Variants in NT5DC2 observed in about 807,000 individuals in gnomAD.
NT5DC2 encodes the protein 5'-nucleotidase domain containing 2, also known as 5'-nucleotidase domain-containing protein 2.
In NT5DC2, 41 loss-of-function variants were observed where a neutral mutation model predicts 70.0. The observed-to-expected ratio is 0.59, with a 90% confidence interval of 0.46 to 0.76. NT5DC2 has a LOEUF of 0.76. NT5DC2 is among the 30% of genes least tolerant of loss of function. The pLI is 0.00. For synonymous variants in NT5DC2, 299 were observed against 310.4 expected (o/e 0.96, Z 0.39); for missense variants, 705 against 783.2 (o/e 0.90, Z 1.19).
chr3:52,534,566 C>T (rs1459886566), upstream of NT5DC2: 3 of 1,613,662 alleles, frequency 1.9e-6, no homozygotes, highest in Admixed American at 1.7e-5. Context: ...GCACGCCCCT[C>T]GTGAGATGCT....
In NT5DC2 at chr3:52,533,514, A is replaced by C; in HGVS notation, c.224T>G (p.Leu75Arg). The change falls in exon 1 of 14, where the codon CTG becomes CGG. Residue 75 changes from leucine to arginine, a missense_variant. By Grantham distance (102) the Leu-to-Arg change is moderately radical. Coordinates refer to ENST00000422318, the MANE Select transcript of NT5DC2 (RefSeq NM_001134231.2). ...CGCCCCGGCTCACCCACCGTGCACC[A>C]GTCTCCGCATGTCCTGGTAGCGAGC... is the stretch of plus-strand genomic sequence containing the variant. Reference protein sequence around the residue: ...LWARYQDMRRLVHDLLPPEVC... With the variant: ...LWARYQDMRRRVHDLLPPEVC... 1 of 1,488,250 alleles carries C rather than the reference A, an allele frequency of 6.7e-7. No individual in the cohort carries two copies. The highest frequency in any genetic ancestry group is 1.5e-5 in the African/African-American group (1 of 68,278). 92.2% of individuals were successfully genotyped at this position (1,488,250 alleles called of 1,614,324 possible).
At chr3:52,533,463 C>A in intron 1 of NT5DC2, 43 bp downstream of exon 1, 3 of 1,480,766 alleles carry the variant, frequency 2.0e-6, no homozygotes, top group South Asian at 2.5e-5. Context: ...CATCAGTCCA[C>A]GCGGAAGACA....
chr3:52,531,798 C>T lies in NT5DC2; in HGVS notation c.232+1708G>A, dbSNP rs2079362526. Reference sequence around the variant, plus strand: ...GCCAGGTCCCAGGGCCAACTGCTCCCTAGCAGCCGTGACACTTGTGGATGC... The same window carrying T: ...GCCAGGTCCCAGGGCCAACTGCTCCTTAGCAGCCGTGACACTTGTGGATGC... On this transcript the variant is annotated intron_variant, in intron 1 of 13. Transcript: ENST00000422318. The surrounding 1 kb of genome is among the most constrained non-coding windows in gnomAD (Gnocchi z 4.1). 6.6e-6 allele frequency among the ~76,000 whole-genome samples: 1 copy of T among 152,190 alleles called. No homozygotes were observed. Among genetic ancestry groups the T allele is most frequent in the Admixed American group, 6.5e-5 (1 of 15,288 alleles).
upstream of NT5DC2, chr3:52,534,010 C>T (rs555216056): frequency 1.4e-4 from 35 of 257,310 alleles, no homozygotes; most frequent in African/African-American, 7.2e-4. Flanking sequence ...GGACTCTGCG[C>T]CCCCCTTCGG....
chr3:52,534,511 C>T (rs754921210), upstream of NT5DC2: 4 of 1,612,946 alleles, frequency 2.5e-6, no homozygotes, highest in Admixed American at 6.7e-5. Flanking sequence ...TGGTTCGGAC[C>T]TCGGCAACTG....
In NT5DC2 at chr3:52,533,670, C is replaced by G. The variant is rs995639375; in HGVS notation, c.68G>C (p.Arg23Pro). 2 of 1,130,848 alleles carry G rather than the reference C, an allele frequency of 1.8e-6. No individual in the cohort carries two copies. Among genetic ancestry groups the G allele is most frequent in the Non-Finnish European group, 1.1e-6 (1 of 924,166 alleles). The allele number at this position is 1,130,848 out of a possible 1,614,324, so 70.1% of individuals were successfully genotyped here. A position where few individuals can be genotyped will look rare whatever the true frequency, so the allele number is the denominator to read the frequency against. Residue 23 changes from arginine (R) to proline (P), a missense_variant, in exon 1 of 14, where the codon CGA becomes CCA. Coordinates refer to ENST00000422318, the MANE Select transcript of NT5DC2 (RefSeq NM_001134231.2). ...WLLCGGHGGP[R>P]AASSSPSCPG... ...GCAGGAGGGCGAGGACGAGGCGGCT[C>G]GCGGCCCGCCGTGGCCTCCGCACAG...
upstream of NT5DC2, chr3:52,534,619 C>A: frequency 6.2e-7 from 1 of 1,613,932 alleles, no homozygotes; most frequent in Non-Finnish European, 8.5e-7. Flanking sequence ...CAACAAAATT[C>A]CTCTTTCCTG....
chr3:52,533,252 C>T (rs2079384331), intron 1 of NT5DC2, among the ~76,000 whole-genome samples: 1 of 152,190 alleles, frequency 6.6e-6, no homozygotes. Context: ...CCGGCAGCCG[C>T]TCGAGGAGCC....
chr3:52,526,147 G>A (rs2079265274), intron 10 of NT5DC2: 2 of 152,336 alleles, frequency 1.3e-5, no homozygotes, highest in Admixed American at 6.5e-5. Flanking sequence ...AGAAAGTCAT[G>A]TGTTTCTCAC....
rs1196133717 is a variant in NT5DC2 at position 52,533,751 on chromosome 3, C to T, written c.-14G>A. On this transcript the variant is annotated 5_prime_UTR_variant, in exon 1 of 14. Transcript: ENST00000422318. ...CGCACCCGCCATGCCCACCGCGCGC[C>T]GCCCGCCGCCCGCGCTGCCCTCGGC... 3 of 964,026 alleles carry T rather than the reference C, an allele frequency of 3.1e-6. No individual in the cohort carries two copies. The highest frequency in any genetic ancestry group is 2.5e-6 in the Non-Finnish European group (2 of 816,224). The allele number at this position is 964,026 out of a possible 1,614,324, so 59.7% of individuals were successfully genotyped here.
rs1405614134 is a variant in NT5DC2 at position 52,531,087 on chromosome 3, C to T, written c.233-1753G>A. Among the ~76,000 whole-genome samples, 6 of 152,250 alleles carry T rather than the reference C, an allele frequency of 3.9e-5. No homozygotes were observed. Among genetic ancestry groups the T allele is most frequent in the East Asian group, 1.9e-4 (1 of 5,196 alleles). Reference sequence around the variant, plus strand: ...TGCTGCACTCAAGAGGCAGACATCTCGCTGATGTGCTCCGTGCCCAGAGCA... The same window carrying T: ...TGCTGCACTCAAGAGGCAGACATCTTGCTGATGTGCTCCGTGCCCAGAGCA... On this transcript the variant is annotated intron_variant, in intron 1 of 13. Transcript: ENST00000422318. The surrounding 1 kb of genome is among the most constrained non-coding windows in gnomAD (Gnocchi z 4.1).
Position 52,524,569 on chromosome 3 carries a change from G to T in NT5DC2, c.1575C>A (p.Arg525=), listed in dbSNP as rs370635334. 135 of 1,613,042 alleles carry T rather than the reference G, an allele frequency of 8.4e-5. 2 individuals are homozygous for T. The Middle Eastern group carries it at 4.8e-3, about 57-fold the overall frequency. The part of the protein sequence containing the change: ...NYRVDFTFYP[R]RTPLQHEAPL... The stretch of plus-strand genomic sequence containing the variant: ...GTGCCTCGTGCTGCAGCGGCGTACG[G>T]CGTGGGTAGAAGGTGAAGTCCACGC... Residue 525 remains arginine (R), a synonymous_variant, in exon 14 of 14, where the codon CGC becomes CGA. Coordinates refer to ENST00000422318, the MANE Select transcript of NT5DC2 (RefSeq NM_001134231.2).
Position 52,524,713 on chromosome 3 carries a change from C to T in NT5DC2, c.1431G>A (p.Leu477=), listed in dbSNP as rs2079213070. 1.2e-6 allele frequency: 2 copies of T among 1,612,696 alleles called. No homozygotes were observed. Among genetic ancestry groups the T allele is most frequent in the Non-Finnish European group, 1.7e-6 (2 of 1,180,036 alleles). The change falls in exon 14 of 14, where the codon CTG becomes CTA. Residue 477 remains leucine, a synonymous_variant. Transcript: ENST00000422318. The stretch of plus-strand genomic sequence containing the variant: ...AGATGCTGCCGAACTGCGCATTGAA[C>T]AGGGCCTTGGTGATGCACCTGGCGA... The part of the protein sequence containing the change: ...RQELRCITKA[L]FNAQFGSIFR...
chr3:52,533,361 G>T, intron 1 of NT5DC2, 145 bp downstream of exon 1: 3 of 837,620 alleles, frequency 3.6e-6, no homozygotes, highest in Non-Finnish European at 5.0e-6. Flanking sequence ...GGAGCTTCTC[G>T]CGAAAAGCCG....
chr3:52,524,538 A>G lies in NT5DC2; in HGVS notation c.1606T>C (p.Trp536Arg). 1 of 1,613,114 alleles carries G rather than the reference A, an allele frequency of 6.2e-7. No individual in the cohort carries two copies. Among genetic ancestry groups the G allele is most frequent in the Non-Finnish European group, 8.5e-7 (1 of 1,180,026 alleles). ...RTPLQHEAPLWMDQLCTGCMK... is the reference protein window; with the variant it reads ...RTPLQHEAPLRMDQLCTGCMK... The stretch of plus-strand genomic sequence containing the variant: ...CAGCCGGTGCAGAGCTGGTCCATCC[A>G]GAGGGGTGCCTCGTGCTGCAGCGGC... Residue 536 changes from tryptophan (W) to arginine (R), a missense_variant, in exon 14 of 14, where the codon TGG becomes CGG. Transcript: ENST00000422318.
chr3:52,528,756 C>T, intron 3 of NT5DC2, 64 bp from the exon 4 acceptor site: 1 of 1,605,896 alleles, frequency 6.2e-7, no homozygotes, highest in Non-Finnish European at 8.5e-7. Flanking sequence ...CCCAAGCCAG[C>T]CTCTTTCAGC....
upstream of NT5DC2, chr3:52,534,274 T>A (rs1575394366): frequency 1.7e-6 from 1 of 579,018 alleles, no homozygotes; most frequent in East Asian, 3.1e-5. Flanking sequence ...GGTGCTCTCC[T>A]TTCCCGGGGT....
chr3:52,534,765 C>T (rs1436228071), upstream of NT5DC2: 8 of 1,438,770 alleles, frequency 5.6e-6, no homozygotes, highest in Non-Finnish European at 7.5e-6. Context: ...GCCAGCTGGG[C>T]GCGCGTTGTT....
upstream of NT5DC2, chr3:52,534,176 C>T: frequency 2.9e-6 from 1 of 341,958 alleles, no homozygotes; most frequent in East Asian, 8.7e-5. Flanking sequence ...GGGTCCTCTG[C>T]CGCCCTCTCC....
Sources: allele counts gnomAD v4.1 joint callset (sites outside exome capture counted in the v4.1 genomes callset), GRCh38; gene constraint gnomAD v4.1.1; non-coding constraint Gnocchi (gnomAD v3.1); transcripts MANE v1.5; gene names NCBI Gene and HGNC (gene_info 2026-07-23, HGNC 2026-07-21).